Variants in RAG1 observed in about 807,000 individuals in gnomAD.
The protein encoded by RAG1 is V(D)J recombination-activating protein 1.
A neutral mutation model predicts 62.7 loss-of-function variants in RAG1; 35 were observed. The ratio of observed to expected loss-of-function variants is 0.56; its 90% CI spans 0.43 to 0.74. RAG1 has a LOEUF of 0.74. Among genes scored for constraint, RAG1 ranks in the 30% least tolerant of loss-of-function variants. The probability of loss-of-function intolerance (pLI) is 0.00; values close to 1 mark genes in which losing one functional copy is unlikely to be tolerated. For missense variants in RAG1, 1,169 were observed against 1,278.6 expected, an observed-to-expected ratio of 0.91 and a Z score of 1.31; for synonymous variants, 461 against 470.3, an observed-to-expected ratio of 0.98 and a Z score of 0.26.
At chr11:36,565,358 C>T (rs114563822), upstream of RAG1, among the ~76,000 whole-genome samples, 4,116 of 152,226 alleles carry the variant, frequency 0.027, 185 homozygotes, top group African/African-American at 0.092. Context: ...TAAGTGTAGG[C>T]AACCTGCTCA....
At chr11:36,563,673 A>G (rs774078196), upstream of RAG1, among the ~76,000 whole-genome samples, 7 of 152,196 alleles carry the variant, frequency 4.6e-5, no homozygotes, top group Admixed American at 3.3e-4. Flanking sequence ...TGTTCTCATT[A>G]TATATAAAAC....
chr11:36,512,711 T>C (rs550477254), intron 1 of RAG1, among the ~76,000 whole-genome samples: 38 of 152,336 alleles, frequency 2.5e-4, no homozygotes, highest in African/African-American at 9.1e-4. Context: ...AAGTTACCTA[T>C]ATATAGCAAC....
chr11:36,516,057 A>G (rs1046809842), intron 1 of RAG1, among the ~76,000 whole-genome samples: 2 of 152,196 alleles, frequency 1.3e-5, no homozygotes, highest in Admixed American at 6.5e-5. Flanking sequence ...AGGTGGGCAC[A>G]TATCCACTGC....
Position 36,576,112 on chromosome 11 carries a change from C to A in RAG1, c.2808C>A (p.Thr936=), listed in dbSNP as rs199921936. Residue 936 remains threonine (T), a synonymous_variant, in exon 2 of 2, where the codon ACC becomes ACA. Transcript: ENST00000299440. ...KFKYRYEGKI[T]NYFHKTLAHV... ...AGTATAGGTATGAGGGAAAAATCAC[C>A]AATTATTTTCACAAAACCCTGGCCC... 5.6e-5 allele frequency: 90 copies of A among 1,613,886 alleles called. 2 individuals are homozygous for A. The highest frequency in any genetic ancestry group is 5.1e-6 in the Non-Finnish European group (6 of 1,180,042).
At chr11:36,545,670 G>C (rs1179468574) in intron 3 of RAG1, among the ~76,000 whole-genome samples, 2 of 152,092 alleles carry the variant, frequency 1.3e-5, no homozygotes, top group Non-Finnish European at 2.9e-5. Flanking sequence ...ACTTTTTCCA[G>C]CTTCTGTTCT....
downstream of RAG1, among the ~76,000 whole-genome samples, chr11:36,538,394 T>A (rs565346888): frequency 1.2e-4 from 18 of 152,332 alleles, no homozygotes; most frequent in Non-Finnish European, 2.1e-4. Context: ...AAGGCAATGC[T>A]AGCTTTCTTT....
chr11:36,543,988 A>G (rs1850353424), intron 3 of RAG1, among the ~76,000 whole-genome samples: 1 of 152,250 alleles, frequency 6.6e-6, no homozygotes, highest in Non-Finnish European at 1.5e-5. Flanking sequence ...TTGAGAAGAT[A>G]GTACAGAGAA....
intron 3 of RAG1, among the ~76,000 whole-genome samples, chr11:36,546,792 C>T (rs898957801): frequency 6.6e-6 from 1 of 152,134 alleles, no homozygotes; most frequent in African/African-American, 2.4e-5. Context: ...AATCTCTCAG[C>T]ATTTGCTTGA....
At position 36,574,271 on chromosome 11, in the gene RAG1, G is replaced by A. The variant is rs144391165; in HGVS notation, c.967G>A (p.Val323Ile). The change falls in exon 2 of 2, where the codon GTC (valine) becomes ATC (isoleucine). Residue 323 changes from valine (V) to isoleucine (I), a missense_variant. By Grantham distance (29) the Val-to-Ile change is conservative. Transcript: ENST00000299440. ...GGTCTGCATTCTCAGATGCCTCAAA[G>A]TCATGGGCAGCTATTGTCCCTCTTG... ...CRVCILRCLK[V>I]MGSYCPSCRY... The A allele has an allele frequency of 1.2e-6, 2 of 1,614,060 alleles. No individual in the cohort carries two copies. Among genetic ancestry groups the A allele is most frequent in the African/African-American group, 1.3e-5 (1 of 74,926 alleles).
intron 2 of RAG1, among the ~76,000 whole-genome samples, chr11:36,530,538 G>C (rs1860238461): frequency 6.6e-6 from 1 of 151,690 alleles, no homozygotes; most frequent in Non-Finnish European, 1.5e-5. Context: ...TTTTCATTCA[G>C]TCTAATGTAT....
chr11:36,539,691 T>G (rs1860386043), downstream of RAG1, among the ~76,000 whole-genome samples: 1 of 152,216 alleles, frequency 6.6e-6, no homozygotes, highest in South Asian at 2.1e-4. Context: ...TTGGCCAGGC[T>G]GGCCTTGAAC....
chr11:36,573,668 G>C lies in RAG1; in HGVS notation c.364G>C (p.Glu122Gln), dbSNP rs1209929471. 6.2e-7 allele frequency: 1 copy of C among 1,614,146 alleles called. No individual in the cohort carries two copies. Among genetic ancestry groups the C allele is most frequent in the South Asian group, 1.1e-5 (1 of 91,076 alleles). The change falls in exon 2 of 2, where the codon GAG becomes CAG. Residue 122 changes from glutamate (E) to glutamine (Q), a missense_variant. Physicochemically the swap from Glu to Gln is conservative, Grantham distance 29 (BLOSUM62 2). Around this residue, in one of 2 missense-constraint regions of RAG1, gnomAD observed 369 missense variants for 335.3 expected, o/e 1.10. Transcript: ENST00000299440. ...RICGNSFRADEHNRRYPVHGP... is the reference protein window; with the variant it reads ...RICGNSFRADQHNRRYPVHGP... ...CTGTGGGAATTCTTTTAGAGCTGAT[G>C]AGCACAACAGGAGATATCCAGTCCA...
upstream of RAG1, chr11:36,563,499 G>A (rs979360661): frequency 2.6e-5 from 4 of 152,220 alleles, no homozygotes; most frequent in South Asian, 2.1e-4. Context: ...CTCCATAATT[G>A]TGTGAGCCAA....
intron 3 of RAG1, among the ~76,000 whole-genome samples, chr11:36,547,548 A>G (rs537145242): frequency 6.6e-6 from 1 of 152,340 alleles, no homozygotes; most frequent in Non-Finnish European, 1.5e-5. Flanking sequence ...ATTCATGGAC[A>G]CATATACCCT....
chr11:36,519,827 C>A (rs942899810), intron 1 of RAG1, among the ~76,000 whole-genome samples: 9 of 152,106 alleles, frequency 5.9e-5, no homozygotes, highest in African/African-American at 2.2e-4. Flanking sequence ...CCAACCCACA[C>A]CCACAACTTT....
intron 3 of RAG1, among the ~76,000 whole-genome samples, chr11:36,545,885 G>A (rs368224347): frequency 1.4e-4 from 22 of 152,226 alleles, no homozygotes; most frequent in African/African-American, 4.3e-4. Context: ...TTCAGTTTCC[G>A]TGTAGTCGTG....
At chr11:36,523,844 C>G (rs1300119560) in intron 2 of RAG1, among the ~76,000 whole-genome samples, 1 of 152,112 alleles carries the variant, frequency 6.6e-6, no homozygotes, top group East Asian at 1.9e-4. Context: ...CCAATGGTAA[C>G]ATCATGCAAA....
At chr11:36,526,596 C>T (rs566568382) in intron 2 of RAG1, among the ~76,000 whole-genome samples, 8 of 152,220 alleles carry the variant, frequency 5.3e-5, no homozygotes, top group Non-Finnish European at 1.0e-4. Flanking sequence ...GGTATATATC[C>T]AGTAATGGGA....
chr11:36,524,559 C>A (rs912013513), intron 2 of RAG1, among the ~76,000 whole-genome samples: 3 of 150,878 alleles, frequency 2.0e-5, no homozygotes, highest in African/African-American at 7.3e-5. Flanking sequence ...GCAATCAGTG[C>A]ACACTGCAGG....
Sources: allele counts gnomAD v4.1 joint callset (sites outside exome capture counted in the v4.1 genomes callset), GRCh38; gene constraint gnomAD v4.1.1; regional missense constraint gnomAD v4.1.1; transcripts MANE v1.5; gene names NCBI Gene and HGNC (gene_info 2026-07-23, HGNC 2026-07-21).